The following ANO10 variants were observed in gnomAD, a reference collection of about 807,000 sequenced individuals.
ANO10 encodes anoctamin 10.
Under a neutral mutation model 74.7 loss-of-function variants are expected in ANO10, and 77 were observed. The observed-to-expected ratio is 1.03, with a 90% confidence interval of 0.86 to 1.25. The LOEUF is 1.25. Among genes scored for constraint, ANO10 ranks in the 50% most tolerant of loss-of-function variants. The pLI, the probability that ANO10 is intolerant of heterozygous loss-of-function variation, is 0.00. For synonymous variants in ANO10, 279 were observed against 284.9 expected, an observed-to-expected ratio of 0.98 and a Z score of 0.21; for missense variants, 721 against 778.1, an observed-to-expected ratio of 0.93 and a Z score of 0.87.
chr3:43,408,227 A>AG (rs1420064724), intron 12 of ANO10, among the ~76,000 whole-genome samples: 18 of 152,250 alleles, frequency 1.2e-4, no homozygotes, highest in African/African-American at 3.9e-4. Context: ...CTAAAACTAC[A>AG]GCTTGTTACC....
At chr3:43,413,291 T>C (rs2092692531) in intron 12 of ANO10, among the ~76,000 whole-genome samples, 1 of 152,260 alleles carries the variant, frequency 6.6e-6, no homozygotes, top group East Asian at 1.9e-4. Flanking sequence ...TTGCCATTGA[T>C]ATAGTTTGGT....
intron 11 of ANO10, among the ~76,000 whole-genome samples, chr3:43,496,468 C>CTG (rs1353758730): frequency 6.6e-6 from 1 of 151,968 alleles, no homozygotes; most frequent in African/African-American, 2.4e-5. Flanking sequence ...GGTTCTTGCT[C>CTG]TGTCACCCAG....
chr3:43,645,187 T>A (rs2083713150), intron 1 of ANO10, among the ~76,000 whole-genome samples: 1 of 152,200 alleles, frequency 6.6e-6, no homozygotes, highest in African/African-American at 2.4e-5. Context: ...CTGGTCTAAT[T>A]TGTGGTTGGC....
At chr3:43,585,853 T>G (rs1369389422) in intron 4 of ANO10, among the ~76,000 whole-genome samples, 1 of 152,184 alleles carries the variant, frequency 6.6e-6, no homozygotes, top group Non-Finnish European at 1.5e-5. Context: ...AATGTGGAAA[T>G]CCTGGTTACA....
At chr3:43,557,594 G>A (rs1482104902) in intron 9 of ANO10, among the ~76,000 whole-genome samples, 4 of 151,866 alleles carry the variant, frequency 2.6e-5, no homozygotes, top group Admixed American at 6.6e-5. Flanking sequence ...AATTAGCCGG[G>A]CATGGTGGCA....
intron 12 of ANO10, among the ~76,000 whole-genome samples, chr3:43,416,325 A>G (rs1229344192): frequency 6.6e-6 from 1 of 152,240 alleles, no homozygotes; most frequent in African/African-American, 2.4e-5. Flanking sequence ...TTCTTTCCAA[A>G]CTGGTTTGGG....
At chr3:43,690,860 G>C (rs1332364922) in intron 1 of ANO10, 7 of 972,436 alleles carry the variant, frequency 7.2e-6, no homozygotes, top group Non-Finnish European at 9.6e-6. Flanking sequence ...GCGCGCCGCC[G>C]GGCCGTGCTA....
intron 1 of ANO10, among the ~76,000 whole-genome samples, chr3:43,666,488 A>G (rs1327591324): frequency 6.6e-6 from 1 of 152,134 alleles, no homozygotes; most frequent in Non-Finnish European, 1.5e-5. Context: ...TAGAGTGATA[A>G]TTGCTTTCTT....
intron 11 of ANO10, among the ~76,000 whole-genome samples, chr3:43,487,745 C>CA (rs1431399505): frequency 6.6e-6 from 1 of 151,868 alleles, no homozygotes; most frequent in African/African-American, 2.4e-5. Flanking sequence ...TTGATCCTTT[C>CA]AAAAAACCAG....
intron 11 of ANO10, among the ~76,000 whole-genome samples, chr3:43,460,548 A>T (rs2075332699): frequency 6.6e-6 from 1 of 152,162 alleles, no homozygotes; most frequent in Non-Finnish European, 1.5e-5. Context: ...TTTGTCTTCT[A>T]TCATAAAGCA....
intron 12 of ANO10, among the ~76,000 whole-genome samples, chr3:43,398,613 G>A (rs944803947): frequency 6.6e-6 from 1 of 152,164 alleles, no homozygotes; most frequent in Non-Finnish European, 1.5e-5. Flanking sequence ...GCCAGTAACT[G>A]CTGCAGTCTG....
chr3:43,367,433 T>C (rs866596068), intron 12 of ANO10, among the ~76,000 whole-genome samples: 7 of 152,200 alleles, frequency 4.6e-5, no homozygotes, highest in Non-Finnish European at 1.0e-4. Flanking sequence ...GCAAGTATTG[T>C]TGTCCATGAA....
At chr3:43,619,435 A>G (rs2083276832) in intron 1 of ANO10, among the ~76,000 whole-genome samples, 1 of 152,248 alleles carries the variant, frequency 6.6e-6, no homozygotes, top group Non-Finnish European at 1.5e-5. Flanking sequence ...CAATTGCACC[A>G]TCGTCATCTA....
intron 10 of ANO10, among the ~76,000 whole-genome samples, chr3:43,552,966 G>C (rs941561140): frequency 1.5e-4 from 23 of 151,638 alleles, no homozygotes; most frequent in Admixed American, 1.2e-3. Flanking sequence ...GCTAATTTTT[G>C]TATTTTTGGT....
intron 1 of ANO10, among the ~76,000 whole-genome samples, chr3:43,614,348 T>C (rs1342109236): frequency 6.6e-6 from 1 of 152,218 alleles, no homozygotes; most frequent in Non-Finnish European, 1.5e-5. Flanking sequence ...CCTTTCATTA[T>C]GCAAGGCACA....
intron 7 of ANO10, among the ~76,000 whole-genome samples, chr3:43,566,600 T>C (rs866023581): frequency 1.1e-4 from 17 of 152,194 alleles, no homozygotes; most frequent in South Asian, 8.3e-4. Context: ...CGGCAGGGTA[T>C]TCCAACAGAC....
At chr3:43,545,803 C>G (rs1346523081) in intron 11 of ANO10, among the ~76,000 whole-genome samples, 1 of 152,022 alleles carries the variant, frequency 6.6e-6, no homozygotes, top group African/African-American at 2.4e-5. Context: ...AAATGATTAG[C>G]AAAATTAATC....
At chr3:43,382,982 C>T (rs1197738907) in intron 12 of ANO10, among the ~76,000 whole-genome samples, 1 of 152,094 alleles carries the variant, frequency 6.6e-6, no homozygotes, top group Non-Finnish European at 1.5e-5. Context: ...TGACATTATT[C>T]CAAAAGATAG....
intron 9 of ANO10, among the ~76,000 whole-genome samples, chr3:43,558,369 T>A (rs981879464): frequency 6.6e-6 from 1 of 152,096 alleles, no homozygotes; most frequent in Non-Finnish European, 1.5e-5. Flanking sequence ...TGCAGTTGGA[T>A]ATGAGTGGGC....
Sources: allele counts gnomAD v4.1 joint callset (sites outside exome capture counted in the v4.1 genomes callset), GRCh38; gene constraint gnomAD v4.1.1; transcripts MANE v1.5; gene names NCBI Gene and HGNC (gene_info 2026-07-23, HGNC 2026-07-21).